Variants in ZNF610 observed in about 807,000 individuals in gnomAD.
ZNF610 encodes zinc finger protein 610.
A neutral mutation model predicts 14.1 loss-of-function variants in ZNF610; 14 were observed. The observed-to-expected ratio is 0.99, with a 90% CI of 0.65 to 1.55. The LOEUF (loss-of-function observed/expected upper bound fraction) is 1.55, where lower values mean the gene tolerates loss of function less well. ZNF610 is among the 40% of genes most tolerant of loss of function. The pLI is 0.00. For missense variants in ZNF610, 530 were observed against 558.0 expected, an observed-to-expected ratio of 0.95 and a Z score of 0.51; for synonymous variants, 185 against 187.6, an observed-to-expected ratio of 0.99 and a Z score of 0.11.
In ZNF610 at chr19:52,366,026, T is replaced by C. The variant is rs1986018583; in HGVS notation, c.648T>C (p.Arg216=). The C allele has an allele frequency of 1.2e-6, 2 of 1,614,124 alleles. No homozygotes were observed. Among genetic ancestry groups the C allele is most frequent in the Non-Finnish European group, 1.7e-6 (2 of 1,180,016 alleles). The part of the protein sequence containing the change: ...CSEDGEVFRV[R]ASLTNHQVIH... ...AAGATGGTGAAGTTTTTAGAGTCCG[T>C]GCAAGCCTTACTAACCATCAAGTAA... Residue 216 remains arginine, a synonymous_variant, in exon 6 of 6, where the codon CGT becomes CGC. Coordinates refer to ENST00000403906, the MANE Select transcript of ZNF610 (RefSeq NM_001161425.2).
At chr19:52,334,853 G>A (rs533384463), upstream of ZNF610, among the ~76,000 whole-genome samples, 14 of 150,778 alleles carry the variant, frequency 9.3e-5, no homozygotes, top group East Asian at 2.6e-3. Flanking sequence ...CGCTTGAACC[G>A]GGGAGGCAGA....
chr19:52,364,565 TTTTG>T lies in ZNF610; in HGVS notation c.320-1120_320-1117del, dbSNP rs985145861. Among the ~76,000 whole-genome samples, 531 of 152,276 alleles carry T rather than the reference TTTTG, an allele frequency of 3.5e-3. 4 individuals are homozygous for T. Among genetic ancestry groups the T allele is most frequent in the African/African-American group, 0.012 (506 of 41,558 alleles). On this transcript the variant is annotated intron_variant, in intron 5 of 5. Coordinates refer to ENST00000403906, the MANE Select transcript of ZNF610 (RefSeq NM_001161425.2). ...TTTGCTGAATATAGTATTCTTGGTT[TTTTG>T]TTTGTTTGTTTGAGAAGGAGTCTCG...
chr19:52,365,177 C>T (rs1166102550), intron 5 of ZNF610, among the ~76,000 whole-genome samples: 1 of 150,112 alleles, frequency 6.7e-6, no homozygotes, highest in Non-Finnish European at 1.5e-5. Flanking sequence ...GCGGAGGTTG[C>T]AGTGAGCTGA....
chr19:52,338,845 AAAAG>A (rs781639141), intron 1 of ZNF610, among the ~76,000 whole-genome samples: 6 of 152,134 alleles, frequency 3.9e-5, no homozygotes, highest in Non-Finnish European at 8.8e-5. Context: ...AACACTCAGA[AAAAG>A]AAAGAGACAC....
chr19:52,357,525 G>A (rs1008726168), intron 5 of ZNF610, among the ~76,000 whole-genome samples: 2 of 151,514 alleles, frequency 1.3e-5, no homozygotes, highest in Admixed American at 1.3e-4. Context: ...GACGCCTGTA[G>A]TCCCAGCTAC....
Position 52,366,291 on chromosome 19 carries a change from A to G in ZNF610, c.913A>G (p.Thr305Ala), listed in dbSNP as rs1986046709. The G allele has an allele frequency of 1.9e-6, 3 of 1,613,330 alleles. No individual in the cohort carries two copies. Among genetic ancestry groups the G allele is most frequent in the South Asian group, 2.2e-5 (2 of 90,998 alleles). Reference sequence around the variant, plus strand: ...TTTTAGAGAGTGTTCGGGACTTACTACCCATCTTGTAATCCATACTGGAGA... The same window carrying G: ...TTTTAGAGAGTGTTCGGGACTTACTGCCCATCTTGTAATCCATACTGGAGA... ...KAFRECSGLT[T>A]HLVIHTGEKP... The change falls in exon 6 of 6, where the codon ACC (threonine) becomes GCC (alanine). Residue 305 changes from threonine (T) to alanine (A), a missense_variant. Thr to Ala is a moderately conservative substitution (Grantham distance 58). Transcript: ENST00000403906.
chr19:52,364,705 G>C (rs1405436647), intron 5 of ZNF610, among the ~76,000 whole-genome samples: 2 of 152,118 alleles, frequency 1.3e-5, no homozygotes, highest in Non-Finnish European at 2.9e-5. Context: ...AGCCTTCCAA[G>C]TAGCTGGGAT....
At position 52,354,475 on chromosome 19, in the gene ZNF610, C is replaced by T. The variant is rs900905276; in HGVS notation, c.319+96C>T. The stretch of plus-strand genomic sequence containing the variant: ...TATCACCCAGGCTGTAGTGCAGTGG[C>T]AATCATAGCTCACTGCAGCCTCAAA... On this transcript the variant is annotated intron_variant, in intron 5 of 5. Transcript: ENST00000403906. 1.3e-5 allele frequency: 18 copies of T among 1,350,940 alleles called. No homozygotes were observed. In the African/African-American group the frequency reaches 1.5e-4, roughly 11 times the overall value. 83.7% of individuals were successfully genotyped at this position (1,350,940 alleles called of 1,614,324 possible).
rs768108200 is a variant in ZNF610, at chr19:52,349,156, T to C, written c.-17T>C. On this transcript the variant is annotated splice_region_variant and 5_prime_UTR_variant, in exon 3 of 6. Transcript: ENST00000403906. ...ATCAGTGTATTTTTGACATTTAGGA[T>C]TGACTTATAAACAGTCATGCTATGT... 2.5e-6 allele frequency: 4 copies of C among 1,611,234 alleles called. No homozygotes were observed. The highest frequency in any genetic ancestry group is 3.4e-6 in the Non-Finnish European group (4 of 1,178,092).
At chr19:52,350,545 G>A (rs1006890751) in intron 3 of ZNF610, among the ~76,000 whole-genome samples, 4 of 152,144 alleles carry the variant, frequency 2.6e-5, no homozygotes, top group Admixed American at 6.5e-5. Flanking sequence ...AGGCTTGGTG[G>A]TGGGCACCTG....
upstream of ZNF610, among the ~76,000 whole-genome samples, chr19:52,333,695 A>C (rs768888917): frequency 1.3e-5 from 2 of 152,268 alleles, no homozygotes; most frequent in Admixed American, 6.5e-5. Context: ...AAAGCTAGGC[A>C]TGTAAAACCA....
At chr19:52,351,882 C>T (rs1213464755) in intron 3 of ZNF610, among the ~76,000 whole-genome samples, 4 of 151,984 alleles carry the variant, frequency 2.6e-5, no homozygotes, top group Non-Finnish European at 5.9e-5. Context: ...GCGCGTCGTG[C>T]CTGAGCAGGG....
intron 3 of ZNF610, among the ~76,000 whole-genome samples, chr19:52,351,088 T>A (rs1220786701): frequency 6.6e-6 from 1 of 152,150 alleles, no homozygotes; most frequent in African/African-American, 2.4e-5. Flanking sequence ...GTTGTGAAAA[T>A]TTGCATGTTT....
chr19:52,365,233 G>T (rs1356779807), intron 5 of ZNF610, among the ~76,000 whole-genome samples: 1 of 139,118 alleles, frequency 7.2e-6, no homozygotes, highest in Non-Finnish European at 1.5e-5. Context: ...GAGAGACTCC[G>T]TCTCAAAAAA....
At chr19:52,362,032 T>C (rs1461232364) in intron 5 of ZNF610, among the ~76,000 whole-genome samples, 1 of 152,174 alleles carries the variant, frequency 6.6e-6, no homozygotes, top group African/African-American at 2.4e-5. Context: ...GTGATTCTCT[T>C]ATCTCAGCCT....
intron 5 of ZNF610, among the ~76,000 whole-genome samples, chr19:52,357,332 G>A (rs368101700): frequency 6.6e-6 from 1 of 152,096 alleles, no homozygotes; most frequent in Non-Finnish European, 1.5e-5. Flanking sequence ...GCAACATAAT[G>A]AGACGTTATC....
At chr19:52,337,289 C>T (rs1323868794) in intron 1 of ZNF610, among the ~76,000 whole-genome samples, 2 of 151,162 alleles carry the variant, frequency 1.3e-5, no homozygotes, top group African/African-American at 4.9e-5. Flanking sequence ...AGAACCACAG[C>T]ATGGGGAGGC....
chr19:52,352,064 C>T (rs1004319236), intron 3 of ZNF610, among the ~76,000 whole-genome samples: 2 of 152,184 alleles, frequency 1.3e-5, no homozygotes, highest in African/African-American at 4.8e-5. Flanking sequence ...TGTGGCTTCG[C>T]ATTCCTGTGT....
chr19:52,348,992 C>T (rs1985101961), intron 2 of ZNF610, among the ~76,000 whole-genome samples, 162 bp from the exon 3 acceptor site: 1 of 152,138 alleles, frequency 6.6e-6, no homozygotes. Flanking sequence ...AAATTTCACT[C>T]ATTCTTCCTG....
Sources: allele counts gnomAD v4.1 joint callset (sites outside exome capture counted in the v4.1 genomes callset), GRCh38; gene constraint gnomAD v4.1.1; transcripts MANE v1.5; gene names NCBI Gene and HGNC (gene_info 2026-07-23, HGNC 2026-07-21).